Variants in CPAMD8 observed in about 807,000 individuals in gnomAD.
The protein encoded by CPAMD8 is C3 and PZP like alpha-2-macroglobulin domain containing 8.
CPAMD8 carries 146 observed loss-of-function variants against 224.7 expected under a neutral mutation model. That is an observed-to-expected ratio of 0.65 (90% CI 0.57 to 0.75). The LOEUF is 0.75. CPAMD8 is among the 30% of genes least tolerant of loss of function. The probability of loss-of-function intolerance (pLI) is 0.00; values close to 1 mark genes in which losing one functional copy is unlikely to be tolerated. For synonymous variants in CPAMD8, 966 were observed against 1,044.6 expected, an observed-to-expected ratio of 0.92 and a Z score of 1.45; for missense variants, 2,301 against 2,537.5, an observed-to-expected ratio of 0.91 and a Z score of 2.00.
intron 18 of CPAMD8, 74 bp downstream of exon 18, chr19:16,970,817 G>C: frequency 7.2e-7 from 1 of 1,390,216 alleles, no homozygotes; most frequent in Admixed American, 1.9e-5. Context: ...ATAGCAGCCA[G>C]GAAGGACAAA....
intron 1 of CPAMD8, among the ~76,000 whole-genome samples, chr19:17,025,142 G>A (rs1429679459): frequency 2.0e-5 from 3 of 152,186 alleles, no homozygotes; most frequent in Non-Finnish European, 2.9e-5. Flanking sequence ...CAGGCACGGT[G>A]ACTCACGCCT....
At chr19:16,914,896 G>T (rs2052887455) in intron 27 of CPAMD8, 83 bp from the exon 28 acceptor site, 2 of 987,724 alleles carry the variant, frequency 2.0e-6, no homozygotes, top group Non-Finnish European at 3.0e-6. Context: ...GCAAGCTCCT[G>T]GCACCACCCC....
In CPAMD8 at chr19:16,921,902, C is replaced by T. The variant is rs1229093117; in HGVS notation, c.3629+3G>A. ...GGCAATGCCCAGGGCGGTGGGGACTCACCACATGCTCCCCGATGCGTCCCG... is the reference window on the plus strand; with the variant it reads ...GGCAATGCCCAGGGCGGTGGGGACTTACCACATGCTCCCCGATGCGTCCCG... On this transcript the variant is annotated splice_donor_region_variant and intron_variant, in intron 27 of 41. Transcript: ENST00000443236. 5.2e-6 allele frequency: 8 copies of T among 1,540,438 alleles called. No homozygotes were observed. In the East Asian group the frequency reaches 1.5e-4, roughly 28 times the overall value.
intron 13 of CPAMD8, 87 bp from the exon 14 acceptor site, chr19:16,980,773 G>A: frequency 1.7e-6 from 2 of 1,146,468 alleles, no homozygotes; most frequent in East Asian, 2.7e-5. Flanking sequence ...GGGCCAGAGG[G>A]AGGTTGGGAT....
At chr19:16,960,941 G>A (rs887290393) in intron 18 of CPAMD8, among the ~76,000 whole-genome samples, 17 of 152,086 alleles carry the variant, frequency 1.1e-4, no homozygotes, top group Admixed American at 5.9e-4. Context: ...GGAATGGAGG[G>A]TCTGAGGGTG....
chr19:17,002,908 TTC>T lies in CPAMD8; in HGVS notation c.674-560_674-559del, dbSNP rs1347649809. Among the ~76,000 whole-genome samples the T allele has an allele frequency of 6.3e-3, 930 of 148,562 alleles. 3 individuals carry two copies. The highest frequency in any genetic ancestry group is 0.022 in the African/African-American group (890 of 39,886). ...GTTCTTTCTTTTCTTTTCTTTTCTT[TTC>T]TTTTTTTTTTTGAGACAGATTGTCA... On this transcript the variant is annotated intron_variant, in intron 8 of 41. Transcript: ENST00000443236.
intron 16 of CPAMD8, among the ~76,000 whole-genome samples, chr19:16,975,551 A>G (rs764714257): frequency 1.4e-4 from 22 of 152,066 alleles, no homozygotes; most frequent in Non-Finnish European, 2.8e-4. Context: ...TACAAAAGAT[A>G]GAAAAAATTA....
chr19:16,960,226 G>A (rs2054607271), intron 18 of CPAMD8, among the ~76,000 whole-genome samples: 1 of 148,162 alleles, frequency 6.7e-6, no homozygotes, highest in African/African-American at 2.6e-5. Context: ...AAAAAAAAAA[G>A]GCTTTCTCAA....
intron 27 of CPAMD8, among the ~76,000 whole-genome samples, chr19:16,915,087 G>A (rs1212309312): frequency 6.6e-6 from 1 of 152,216 alleles, no homozygotes; most frequent in Non-Finnish European, 1.5e-5. Context: ...GGCACTCAAG[G>A]CCCTTCTGTG....
Position 16,952,017 on chromosome 19 carries a change from C to T in CPAMD8, c.2460G>A (p.Gln820=). 6.3e-7 allele frequency: 1 copy of T among 1,583,552 alleles called. No individual in the cohort carries two copies. Residue 820 remains glutamine (Q), a synonymous_variant, in exon 20 of 42, where the codon CAG becomes CAA. Coordinates refer to ENST00000443236, the MANE Select transcript of CPAMD8 (RefSeq NM_015692.5). ...TGTAGACACTGAGCGGGATCTTGAC[C>T]TGCTCCCCACGGATGATGAGAGCGG... ...MLPALIIRGE[Q]VKIPLSVYNY... is the part of the protein sequence containing the mutation.
chr19:16,994,589 T>C (rs2056066777), intron 11 of CPAMD8, among the ~76,000 whole-genome samples: 2 of 140,162 alleles, frequency 1.4e-5, no homozygotes, highest in South Asian at 2.5e-4. Context: ...GGCCCGATCA[T>C]AGCTCACTGC....
rs553385063 is a variant in CPAMD8 at position 16,896,122 on chromosome 19, G to A, written c.5426+54C>T. On this transcript the variant is annotated intron_variant, in intron 41 of 41. Coordinates refer to ENST00000443236, the MANE Select transcript of CPAMD8 (RefSeq NM_015692.5). ...CGGGGGAGGTTGGTAGGGGAGGGAG[G>A]TGGGGAGATATTGAGCCTATGTCTC... The A allele has an allele frequency of 2.7e-5, 43 of 1,595,330 alleles. No homozygotes were observed. The South Asian group carries it at 3.8e-4, about 14-fold the overall frequency.
intron 22 of CPAMD8, among the ~76,000 whole-genome samples, chr19:16,941,693 G>A (rs183014787): frequency 1.5e-3 from 230 of 152,294 alleles, no homozygotes; most frequent in Non-Finnish European, 2.2e-3. Flanking sequence ...ACTGTGAAGC[G>A]GCTGGGCACG....
At chr19:17,012,847 A>AT (rs1396149963) in intron 3 of CPAMD8, among the ~76,000 whole-genome samples, 1 of 152,186 alleles carries the variant, frequency 6.6e-6, no homozygotes, top group Non-Finnish European at 1.5e-5. Flanking sequence ...ATGTCCAGAT[A>AT]TATCTATCAT....
chr19:16,904,178 C>CG, intron 32 of CPAMD8, 48 bp downstream of exon 32: 13 of 495,204 alleles, frequency 2.6e-5, no homozygotes, highest in Non-Finnish European at 3.9e-5. Context: ...CTGCAGGGAC[C>CG]CCACCCACCC....
At chr19:16,953,158 T>C (rs868648837) in intron 19 of CPAMD8, among the ~76,000 whole-genome samples, 1 of 151,934 alleles carries the variant, frequency 6.6e-6, no homozygotes, top group Non-Finnish European at 1.5e-5. Flanking sequence ...AAAGCAAACA[T>C]CCATATGCAA....
At chr19:16,948,465 G>A (rs8105533) in intron 20 of CPAMD8, among the ~76,000 whole-genome samples, 27,506 of 152,018 alleles carry the variant, frequency 0.18, 2,639 homozygotes, top group East Asian at 0.29. Context: ...GAAAGAAAGA[G>A]GCTGGGTGCG....
intron 5 of CPAMD8, among the ~76,000 whole-genome samples, chr19:17,010,141 T>C (rs1224268475): frequency 6.6e-6 from 1 of 152,088 alleles, no homozygotes; most frequent in Non-Finnish European, 1.5e-5. Context: ...CAAAGAAACA[T>C]GCTATAAAGG....
rs567629534 is a variant in CPAMD8 at position 16,958,019 on chromosome 19, T to A, written c.2214-104A>T. 41 of 1,007,544 alleles carry A rather than the reference T, an allele frequency of 4.1e-5. No individual in the cohort carries two copies. The East Asian group carries it at 9.4e-4, about 23-fold the overall frequency. 62.4% of individuals were successfully genotyped at this position (1,007,544 alleles called of 1,614,324 possible). A position where few individuals can be genotyped will look rare whatever the true frequency, so the allele number is the denominator to read the frequency against. On this transcript the variant is annotated intron_variant, in intron 18 of 41. Coordinates refer to ENST00000443236, the MANE Select transcript of CPAMD8 (RefSeq NM_015692.5). The stretch of plus-strand genomic sequence containing the variant: ...ATTTGATCAGATATAACGCGTTAAT[T>A]TCTTTTACCTGGAAGGGTTAACATT...
Sources: gnomAD v4.1 joint callset for allele counts (sites outside exome capture counted in the v4.1 genomes callset) on GRCh38, gnomAD v4.1.1 for gene constraint, MANE v1.5 for transcripts, NCBI Gene and HGNC (gene_info 2026-07-23, HGNC 2026-07-21) for gene names.